Variants in YAP1 observed in about 807,000 individuals in gnomAD.
YAP1 encodes Yes1 associated transcriptional regulator.
A neutral mutation model predicts 56.9 loss-of-function variants in YAP1; 5 were observed. The observed-to-expected ratio is 0.09, with a 90% CI of 0.05 to 0.18. YAP1 has a LOEUF of 0.18. YAP1 is among the 10% of genes least tolerant of loss of function. The probability of loss-of-function intolerance (pLI) is 1.00; values close to 1 mark genes in which losing one functional copy is unlikely to be tolerated. For missense variants in YAP1, 539 were observed against 651.8 expected (o/e 0.83, Z 1.88); for synonymous variants, 265 against 248.1 (o/e 1.07, Z -0.64).
intron 3 of YAP1, among the ~76,000 whole-genome samples, chr11:102,184,615 C>G (rs1261850703): frequency 6.6e-6 from 1 of 152,170 alleles, no homozygotes; most frequent in Admixed American, 6.5e-5. Flanking sequence ...GTTCCTAATA[C>G]GAATGAAACT....
intron 3 of YAP1, among the ~76,000 whole-genome samples, chr11:102,168,981 GA>G (rs1946750994): frequency 6.6e-6 from 1 of 152,170 alleles, no homozygotes; most frequent in African/African-American, 2.4e-5. Flanking sequence ...CTGTAATTCA[GA>G]AACTTTAAAG....
intron 4 of YAP1, among the ~76,000 whole-genome samples, chr11:102,198,508 T>C (rs549092770): frequency 1.6e-4 from 24 of 152,364 alleles, no homozygotes; most frequent in African/African-American, 5.8e-4. Flanking sequence ...ATCCAAATGT[T>C]TCTTAATAGA....
intron 3 of YAP1, among the ~76,000 whole-genome samples, chr11:102,172,305 T>A (rs1946952548): frequency 1.5e-5 from 2 of 134,692 alleles, no homozygotes; most frequent in Admixed American, 1.4e-4. Context: ...GAAGAATTTT[T>A]TTTTTTTTTT....
chr11:102,144,670 A>T (rs1371512191), intron 2 of YAP1, among the ~76,000 whole-genome samples: 4 of 152,186 alleles, frequency 2.6e-5, no homozygotes, highest in South Asian at 4.1e-4. Flanking sequence ...TTCTGCAAGA[A>T]TTTTTTCTGT....
chr11:102,123,119 G>T (rs1465861352), intron 2 of YAP1, among the ~76,000 whole-genome samples: 1 of 151,968 alleles, frequency 6.6e-6, no homozygotes, highest in African/African-American at 2.4e-5. Flanking sequence ...CCATTATAAT[G>T]ACTATAATTG....
intron 6 of YAP1, among the ~76,000 whole-genome samples, chr11:102,217,717 G>T (rs1949728592): frequency 6.6e-6 from 1 of 151,914 alleles, no homozygotes; most frequent in Non-Finnish European, 1.5e-5. Context: ...TGAGATGGAG[G>T]TTCGTTCTTA....
chr11:102,149,670 T>C (rs1456154237), intron 2 of YAP1, among the ~76,000 whole-genome samples: 1 of 152,218 alleles, frequency 6.6e-6, no homozygotes, highest in Non-Finnish European at 1.5e-5. Flanking sequence ...AATATTGCTT[T>C]TGTGATCATG....
chr11:102,214,461 C>G (rs1390560096), intron 6 of YAP1, among the ~76,000 whole-genome samples: 1 of 152,100 alleles, frequency 6.6e-6, no homozygotes, highest in East Asian at 1.9e-4. Context: ...TACCATTGTT[C>G]AGAGCTATAT....
At chr11:102,227,959 C>G (rs1441798832) in intron 8 of YAP1, among the ~76,000 whole-genome samples, 1 of 151,290 alleles carries the variant, frequency 6.6e-6, no homozygotes, top group Non-Finnish European at 1.5e-5. Flanking sequence ...GTAGTCCCAG[C>G]TACTCAGGAG....
intron 3 of YAP1, among the ~76,000 whole-genome samples, chr11:102,183,268 G>A (rs1269563842): frequency 6.6e-6 from 1 of 152,196 alleles, no homozygotes; most frequent in Non-Finnish European, 1.5e-5. Flanking sequence ...TATACAAGGA[G>A]ATGGCATGAT....
At chr11:102,179,336 T>G (rs1650142254) in intron 3 of YAP1, among the ~76,000 whole-genome samples, 2 of 152,184 alleles carry the variant, frequency 1.3e-5, no homozygotes, top group Non-Finnish European at 2.9e-5. Context: ...AAAAGTTATT[T>G]GGGGTGAAAA....
chr11:102,113,070 C>T (rs1943061144), intron 1 of YAP1, among the ~76,000 whole-genome samples: 1 of 152,170 alleles, frequency 6.6e-6, no homozygotes, highest in South Asian at 2.1e-4. Flanking sequence ...TTTCCTAAAT[C>T]ATACTTATTC....
At chr11:102,172,904 C>G (rs1050663023) in intron 3 of YAP1, among the ~76,000 whole-genome samples, 1 of 152,066 alleles carries the variant, frequency 6.6e-6, no homozygotes, top group Non-Finnish European at 1.5e-5. Flanking sequence ...CACAACAGCC[C>G]GTTCAGAGGC....
intron 3 of YAP1, among the ~76,000 whole-genome samples, chr11:102,177,749 A>T (rs1203359074): frequency 6.6e-6 from 1 of 151,874 alleles, no homozygotes; most frequent in East Asian, 1.9e-4. Context: ...AAGAAACCCC[A>T]CTCAAAATAT....
At chr11:102,213,843 C>T (rs11225165) in intron 6 of YAP1, among the ~76,000 whole-genome samples, 45,645 of 152,056 alleles carry the variant, frequency 0.3, 7,098 homozygotes, top group East Asian at 0.36. Flanking sequence ...TTTGAGAGGC[C>T]GAGGCAGGCA....
chr11:102,111,316 T>A, intron 1 of YAP1, 147 bp downstream of exon 1: 1 of 752,446 alleles, frequency 1.3e-6, no homozygotes, highest in Non-Finnish European at 2.0e-6. Flanking sequence ...GAAGTGGAAC[T>A]GGAGTCGTCC....
At chr11:102,190,239 C>A (rs1380516484) in intron 4 of YAP1, among the ~76,000 whole-genome samples, 1 of 152,016 alleles carries the variant, frequency 6.6e-6, no homozygotes, top group East Asian at 1.9e-4. Context: ...CCTGGTTATC[C>A]TGGGCTGTCA....
chr11:102,219,015 A>G (rs1280106192), intron 6 of YAP1, among the ~76,000 whole-genome samples: 1 of 152,208 alleles, frequency 6.6e-6, no homozygotes, highest in Non-Finnish European at 1.5e-5. Flanking sequence ...AAATAATATG[A>G]AAATTATAGC....
chr11:102,198,309 TGTC>T (rs1186058247), intron 4 of YAP1, among the ~76,000 whole-genome samples: 11 of 152,340 alleles, frequency 7.2e-5, no homozygotes, highest in Admixed American at 7.2e-4. Context: ...CATTGGCTAT[TGTC>T]ATTAATGATT....
Sources: allele counts gnomAD v4.1 joint callset (sites outside exome capture counted in the v4.1 genomes callset), GRCh38; gene constraint gnomAD v4.1.1; transcripts MANE v1.5; gene names NCBI Gene and HGNC (gene_info 2026-07-23, HGNC 2026-07-21).